The following STUM variants were observed in gnomAD, a reference collection of about 807,000 sequenced individuals.
The protein encoded by STUM is protein stum homolog.
A neutral mutation model predicts 15.3 loss-of-function variants in STUM; 8 were observed. The ratio of observed to expected loss-of-function variants is 0.52; its 90% confidence interval spans 0.31 to 0.94. The LOEUF is 0.94. STUM is among the 40% of genes least tolerant of loss of function. STUM has a pLI of 0.05. For synonymous variants in STUM, 78 were observed against 88.7 expected (o/e 0.88, Z 0.68); for missense variants, 142 against 204.9 (o/e 0.69, Z 1.87).
intron 1 of STUM, among the ~76,000 whole-genome samples, chr1:226,555,744 T>G (rs1209965725): frequency 2.0e-5 from 3 of 152,222 alleles, no homozygotes; most frequent in Non-Finnish European, 2.9e-5. Flanking sequence ...TTGTGTCACT[T>G]TTGAGCTCAA....
intron 1 of STUM, among the ~76,000 whole-genome samples, chr1:226,582,593 C>T (rs944775888): frequency 5.5e-5 from 4 of 73,356 alleles, no homozygotes; most frequent in African/African-American, 2.5e-4. Flanking sequence ...AACATGCCAT[C>T]TCAAAAAAAA....
intron 1 of STUM, among the ~76,000 whole-genome samples, chr1:226,550,798 T>C (rs1235390152): frequency 6.6e-6 from 1 of 152,166 alleles, no homozygotes; most frequent in East Asian, 1.9e-4. Flanking sequence ...ACTAGGTGCC[T>C]TTCCCAGCCT....
intron 1 of STUM, among the ~76,000 whole-genome samples, chr1:226,586,305 A>T: frequency 6.6e-6 from 1 of 152,080 alleles, no homozygotes; most frequent in African/African-American, 2.4e-5. Context: ...GGTGCCTGGA[A>T]CATTTGAGCT....
Position 226,605,457 on chromosome 1 carries a change from A to T in STUM, c.*3417A>T, listed in dbSNP as rs1668341572. The T allele has an allele frequency of 6.6e-6, 1 of 152,342 alleles. No homozygotes were observed. Among genetic ancestry groups the T allele is most frequent in the Admixed American group, 6.5e-5 (1 of 15,286 alleles). 9.4% of individuals were successfully genotyped at this position (152,342 alleles called of 1,614,324 possible). On this transcript the variant is annotated 3_prime_UTR_variant, in exon 4 of 4. Coordinates refer to ENST00000366788, the MANE Select transcript of STUM (RefSeq NM_001003665.4). This position sits in a 1 kb window ranked among gnomAD's most constrained non-coding sequence, Gnocchi z 4.0. ...CAGAAGAAGGAGCAGAATCGCATGC[A>T]GCCCAGAGCAGGTCCTGTGGAGGGG...
chr1:226,559,834 A>G (rs1425938358), intron 1 of STUM, among the ~76,000 whole-genome samples: 6 of 152,136 alleles, frequency 3.9e-5, no homozygotes, highest in Non-Finnish European at 7.4e-5. Context: ...TTAGCCGGGC[A>G]TGGTGGCGGG....
In STUM at chr1:226,608,510, A is replaced by G. The variant is rs1170290174; in HGVS notation, c.*6470A>G. 6.6e-6 allele frequency: 1 copy of G among 152,056 alleles called. No individual in the cohort carries two copies. Among genetic ancestry groups the G allele is most frequent in the Non-Finnish European group, 1.5e-5 (1 of 68,018 alleles). 9.4% of individuals were successfully genotyped at this position (152,056 alleles called of 1,614,324 possible). A position where few individuals can be genotyped will look rare whatever the true frequency, so the allele number is the denominator to read the frequency against. ...GTGTATCAACTTAATTTGCATATGAATGAGTGTTGTGTTGTGATTTGCAGT... is the reference window on the plus strand; with the variant it reads ...GTGTATCAACTTAATTTGCATATGAGTGAGTGTTGTGTTGTGATTTGCAGT... On this transcript the variant is annotated 3_prime_UTR_variant, in exon 4 of 4. Transcript: ENST00000366788. The surrounding 1 kb of genome is among the most constrained non-coding windows in gnomAD (Gnocchi z 4.0).
intron 1 of STUM, among the ~76,000 whole-genome samples, chr1:226,577,359 A>T (rs1667833923): frequency 6.6e-6 from 1 of 152,154 alleles, no homozygotes; most frequent in Non-Finnish European, 1.5e-5. Flanking sequence ...TTAAAAAAAA[A>T]AGTGAAATTG....
intron 1 of STUM, among the ~76,000 whole-genome samples, chr1:226,562,179 G>A (rs753400912): frequency 2.0e-5 from 3 of 152,140 alleles, no homozygotes; most frequent in Non-Finnish European, 4.4e-5. Flanking sequence ...TATGAACATT[G>A]CATCTCTGGC....
rs1416598150 is a variant in STUM at position 226,602,158 on chromosome 1, G to A, written c.*118G>A. ...CCATTTTCTGGACTGGGGGTGGAAA[G>A]GGGGTATTTTTAAAAATATTATTTA... On this transcript the variant is annotated 3_prime_UTR_variant, in exon 4 of 4. Coordinates refer to ENST00000366788, the MANE Select transcript of STUM (RefSeq NM_001003665.4). The A allele has an allele frequency of 2.8e-6, 2 of 714,846 alleles. No homozygotes were observed. Among genetic ancestry groups the A allele is most frequent in the Non-Finnish European group, 4.7e-6 (2 of 426,408 alleles). The allele number at this position is 714,846 out of a possible 1,614,324, so 44.3% of individuals were successfully genotyped here. A position where few individuals can be genotyped will look rare whatever the true frequency, so the allele number is the denominator to read the frequency against.
At chr1:226,572,639 G>C (rs2102695959) in intron 1 of STUM, among the ~76,000 whole-genome samples, 1 of 152,324 alleles carries the variant, frequency 6.6e-6, no homozygotes, top group Middle Eastern at 3.4e-3. Context: ...CCCTGAGTCG[G>C]CCTTTGGGCA....
rs1445918809 is a variant in STUM at position 226,609,002 on chromosome 1, G to A, written c.*6962G>A. On this transcript the variant is annotated 3_prime_UTR_variant, in exon 4 of 4. Transcript: ENST00000366788. Reference sequence around the variant, plus strand: ...CAAGCAGCATTACTGTACATGCAATGAAAAATACTATATATGACAGTCAAA... The same window carrying A: ...CAAGCAGCATTACTGTACATGCAATAAAAAATACTATATATGACAGTCAAA... 1 of 152,168 alleles carries A rather than the reference G, an allele frequency of 6.6e-6. No homozygotes were observed. Among genetic ancestry groups the A allele is most frequent in the Admixed American group, 6.5e-5 (1 of 15,276 alleles). 9.4% of individuals were successfully genotyped at this position (152,168 alleles called of 1,614,324 possible). A position where few individuals can be genotyped will look rare whatever the true frequency, so the allele number is the denominator to read the frequency against.
intron 1 of STUM, among the ~76,000 whole-genome samples, chr1:226,595,983 G>C (rs546247109): frequency 6.6e-6 from 1 of 152,318 alleles, no homozygotes; most frequent in African/African-American, 2.4e-5. Context: ...GACAGATATA[G>C]AGAATGCTAA....
rs1667606095 is a variant in STUM, at chr1:226,565,431, C to A, written c.202+16325C>A. Among the ~76,000 whole-genome samples the A allele has an allele frequency of 6.6e-6, 1 of 152,190 alleles. No individual in the cohort carries two copies. The highest frequency in any genetic ancestry group is 6.5e-5 in the Admixed American group (1 of 15,290). ...AGACTGTGGGGTCCTGAACCACCAG[C>A]CTTGGCATACTACTGCTCCCCCACC... is the stretch of plus-strand genomic sequence containing the variant. On this transcript the variant is annotated intron_variant, in intron 1 of 3. Coordinates refer to ENST00000366788, the MANE Select transcript of STUM (RefSeq NM_001003665.4). The surrounding 1 kb of genome is among the most constrained non-coding windows in gnomAD (Gnocchi z 4.4).
At chr1:226,554,786 A>G (rs543026824) in intron 1 of STUM, among the ~76,000 whole-genome samples, 40 of 152,232 alleles carry the variant, frequency 2.6e-4, no homozygotes, top group South Asian at 1.0e-3. Context: ...CTGATCCATT[A>G]TCCCCTCTGA....
Position 226,549,239 on chromosome 1 carries a change from G to C in STUM, c.202+133G>C. The C allele has an allele frequency of 5.5e-6, 4 of 733,136 alleles. No individual in the cohort carries two copies. Among genetic ancestry groups the C allele is most frequent in the Non-Finnish European group, 8.5e-6 (4 of 471,864 alleles). The allele number at this position is 733,136 out of a possible 1,614,324, so 45.4% of individuals were successfully genotyped here. A position where few individuals can be genotyped will look rare whatever the true frequency, so the allele number is the denominator to read the frequency against. ...GTGCTGCGACCACGCGCCACCGCCC[G>C]CTCCTGGCGTCCCCGGGCAGGTGGC... is the stretch of plus-strand genomic sequence containing the variant. On this transcript the variant is annotated intron_variant, in intron 1 of 3. Coordinates refer to ENST00000366788, the MANE Select transcript of STUM (RefSeq NM_001003665.4). This position sits in a 1 kb window ranked among gnomAD's most constrained non-coding sequence, Gnocchi z 6.8.
rs115241624 is a variant in STUM, at chr1:226,556,796, G to C, written c.202+7690G>C. ...TGTAAAGCACTCCACAGTCAGAACA[G>C]GTTATTGTTACCAATTAATATTAGC... On this transcript the variant is annotated intron_variant, in intron 1 of 3. Transcript: ENST00000366788. 6.2e-3 allele frequency among the ~76,000 whole-genome samples: 937 copies of C among 152,262 alleles called. 4 individuals are homozygous for C. Among genetic ancestry groups the C allele is most frequent in the Non-Finnish European group, 0.01 (694 of 68,004 alleles).
Position 226,567,120 on chromosome 1 carries a change from T to G in STUM, c.202+18014T>G, listed in dbSNP as rs1259538576. Among the ~76,000 whole-genome samples, 1 of 152,216 alleles carries G rather than the reference T, an allele frequency of 6.6e-6. No individual in the cohort carries two copies. The highest frequency in any genetic ancestry group is 1.5e-5 in the Non-Finnish European group (1 of 68,040). On this transcript the variant is annotated intron_variant, in intron 1 of 3. Transcript: ENST00000366788. This position sits in a 1 kb window ranked among gnomAD's most constrained non-coding sequence, Gnocchi z 4.5. The stretch of plus-strand genomic sequence containing the variant: ...TGGTTGGGGGAGAAGGAGACCAGCC[T>G]GTTCCTAGGATGAAGCCAGTAGGGT...
At position 226,553,132 on chromosome 1, in the gene STUM, A is replaced by T. The variant is rs1487463704; in HGVS notation, c.202+4026A>T. On this transcript the variant is annotated intron_variant, in intron 1 of 3. Transcript: ENST00000366788. ...AGTAAACCAAGAAAGGAGATATGAG[A>T]TTCAGGAAACAGTGAATCCTATACA... 2.0e-5 allele frequency among the ~76,000 whole-genome samples: 3 copies of T among 152,230 alleles called. No homozygotes were observed. In the East Asian group the frequency reaches 5.8e-4, roughly 29 times the overall value.
At chr1:226,560,350 G>A (rs574342151) in intron 1 of STUM, among the ~76,000 whole-genome samples, 15 of 152,282 alleles carry the variant, frequency 9.9e-5, no homozygotes, top group East Asian at 5.8e-4. Flanking sequence ...CCTTTTTGCC[G>A]TTGCTGTCTC....
Sources: allele counts gnomAD v4.1 joint callset (sites outside exome capture counted in the v4.1 genomes callset), GRCh38; gene constraint gnomAD v4.1.1; non-coding constraint Gnocchi (gnomAD v3.1); transcripts MANE v1.5; gene names NCBI Gene and HGNC (gene_info 2026-07-23, HGNC 2026-07-21).